The following CTNNA3 variants were observed in gnomAD, a reference collection of about 807,000 sequenced individuals.
CTNNA3 encodes catenin alpha-3.
Under a neutral mutation model 95.7 loss-of-function variants are expected in CTNNA3, and 76 were observed. The ratio of observed to expected loss-of-function variants is 0.79; its 90% CI spans 0.66 to 0.96. The LOEUF is 0.96. Ranked by LOEUF, CTNNA3 falls within the 40% of genes least tolerant of loss-of-function variation. The probability of loss-of-function intolerance (pLI) is 0.00; values close to 1 mark genes in which losing one functional copy is unlikely to be tolerated. For missense variants in CTNNA3, 1,191 were observed against 1,089.8 expected (o/e 1.09, Z -1.31); for synonymous variants, 431 against 374.4 (o/e 1.15, Z -1.74).
upstream of CTNNA3, among the ~76,000 whole-genome samples, chr10:67,697,060 T>C (rs1218402210): frequency 6.6e-6 from 1 of 152,186 alleles, no homozygotes; most frequent in Non-Finnish European, 1.5e-5. Context: ...TAGCACAAAT[T>C]TCAGGGAGCC....
At chr10:67,658,818 C>T (rs892208986) in intron 1 of CTNNA3, among the ~76,000 whole-genome samples, 2 of 152,104 alleles carry the variant, frequency 1.3e-5, no homozygotes, top group Non-Finnish European at 2.9e-5. Context: ...CAGAACAAAA[C>T]AATATTACAT....
At chr10:66,969,791 G>T (rs1465361792) in intron 7 of CTNNA3, among the ~76,000 whole-genome samples, 1 of 152,034 alleles carries the variant, frequency 6.6e-6, no homozygotes, top group Non-Finnish European at 1.5e-5. Flanking sequence ...CCTCACATTT[G>T]AGGAGAAAAG....
At chr10:67,056,809 G>C (rs1855459255) in intron 7 of CTNNA3, among the ~76,000 whole-genome samples, 1 of 152,150 alleles carries the variant, frequency 6.6e-6, no homozygotes, top group African/African-American at 2.4e-5. Flanking sequence ...TGAAACAAAA[G>C]ACAAAGTGTG....
At chr10:67,343,856 T>C (rs1456346774) in intron 5 of CTNNA3, among the ~76,000 whole-genome samples, 3 of 150,838 alleles carry the variant, frequency 2.0e-5, no homozygotes, top group Admixed American at 6.6e-5. Flanking sequence ...CTTTCAATTT[T>C]TTCTCCATTC....
chr10:66,220,614 C>T (rs2088873987), intron 13 of CTNNA3, among the ~76,000 whole-genome samples: 1 of 152,194 alleles, frequency 6.6e-6, no homozygotes, highest in South Asian at 2.1e-4. Flanking sequence ...CAAGAAGAAT[C>T]AGGCCGCACA....
chr10:66,652,615 A>C (rs7921056), intron 9 of CTNNA3, among the ~76,000 whole-genome samples: 1 of 151,910 alleles, frequency 6.6e-6, no homozygotes, highest in Non-Finnish European at 1.5e-5. Context: ...ACATTGAAGA[A>C]GAAATACTTC....
chr10:66,348,953 A>T (rs1416894433), intron 12 of CTNNA3, among the ~76,000 whole-genome samples: 1 of 152,078 alleles, frequency 6.6e-6, no homozygotes. Flanking sequence ...TATTTCTCTG[A>T]TGTGTCAGGT....
chr10:66,604,990 A>G (rs1844067411), intron 10 of CTNNA3, among the ~76,000 whole-genome samples: 1 of 152,154 alleles, frequency 6.6e-6, no homozygotes, highest in Non-Finnish European at 1.5e-5. Flanking sequence ...AGAATTCAGA[A>G]TATGGATAGG....
At chr10:66,223,609 T>C (rs1345678124) in intron 13 of CTNNA3, among the ~76,000 whole-genome samples, 3 of 152,186 alleles carry the variant, frequency 2.0e-5, no homozygotes, top group Non-Finnish European at 4.4e-5. Flanking sequence ...TAATAAGCAC[T>C]GATAAGACAT....
intron 2 of CTNNA3, among the ~76,000 whole-genome samples, chr10:67,626,653 T>C (rs779232141): frequency 2.0e-5 from 3 of 152,174 alleles, no homozygotes; most frequent in Non-Finnish European, 4.4e-5. Flanking sequence ...GTTTTCCTCA[T>C]GGAGACTCAA....
At chr10:67,613,973 A>G (rs956558123) in intron 2 of CTNNA3, among the ~76,000 whole-genome samples, 6 of 152,236 alleles carry the variant, frequency 3.9e-5, no homozygotes, top group Non-Finnish European at 8.8e-5. Flanking sequence ...CAGCTCTTAA[A>G]GATGGCATGG....
chr10:67,567,984 T>A (rs936849558), intron 3 of CTNNA3, among the ~76,000 whole-genome samples: 7 of 152,088 alleles, frequency 4.6e-5, no homozygotes, highest in Non-Finnish European at 7.4e-5. Context: ...TTTGTAGAGC[T>A]TAGGCCTACA....
chr10:66,810,579 T>C (rs1306118289), intron 7 of CTNNA3, among the ~76,000 whole-genome samples: 1 of 152,196 alleles, frequency 6.6e-6, no homozygotes, highest in African/African-American at 2.4e-5. Flanking sequence ...TGGTTTCCCA[T>C]GTTGCTCCCA....
intron 5 of CTNNA3, among the ~76,000 whole-genome samples, chr10:67,436,292 T>C (rs1322383902): frequency 3.9e-5 from 6 of 152,212 alleles, no homozygotes; most frequent in Middle Eastern, 3.4e-3. Flanking sequence ...TGAAACTGGA[T>C]CCTAATCTCT....
At chr10:65,927,844 T>C (rs1219129715) in intron 17 of CTNNA3, among the ~76,000 whole-genome samples, 5 of 152,192 alleles carry the variant, frequency 3.3e-5, no homozygotes, top group African/African-American at 4.8e-5. Context: ...TTGTTAAGTA[T>C]GTTTCTAACT....
intron 5 of CTNNA3, among the ~76,000 whole-genome samples, chr10:67,520,628 A>G (rs1289026797): frequency 6.6e-6 from 1 of 152,162 alleles, no homozygotes; most frequent in African/African-American, 2.4e-5. Context: ...TTAAATGGAC[A>G]TTGTATCCTT....
chr10:66,887,611 T>C (rs527441119), intron 7 of CTNNA3, among the ~76,000 whole-genome samples: 3 of 152,264 alleles, frequency 2.0e-5, no homozygotes, highest in South Asian at 4.1e-4. Context: ...CCCAAACAGA[T>C]AGGAGTGAGT....
chr10:66,267,985 C>T (rs879753363), intron 13 of CTNNA3, among the ~76,000 whole-genome samples: 12 of 151,926 alleles, frequency 7.9e-5, no homozygotes, highest in Non-Finnish European at 1.6e-4. Flanking sequence ...TGATTTAAGA[C>T]TCTTTGGATT....
chr10:67,087,786 T>A (rs938288025), intron 7 of CTNNA3, among the ~76,000 whole-genome samples: 1 of 151,972 alleles, frequency 6.6e-6, no homozygotes, highest in Non-Finnish European at 1.5e-5. Flanking sequence ...CACCGGGGGA[T>A]GGAGGTTTGT....
Sources: allele counts gnomAD v4.1 joint callset (sites outside exome capture counted in the v4.1 genomes callset), GRCh38; gene constraint gnomAD v4.1.1; transcripts MANE v1.5; gene names NCBI Gene and HGNC (gene_info 2026-07-23, HGNC 2026-07-21).